The following CRPPA variants were observed in gnomAD, a reference collection of about 807,000 sequenced individuals.
CRPPA encodes the protein CDP-L-ribitol pyrophosphorylase A, also known as D-ribitol-5-phosphate cytidylyltransferase.
In CRPPA, 43 loss-of-function variants were observed where a neutral mutation model predicts 52.0. That is an observed-to-expected ratio of 0.83 (90% CI 0.65 to 1.07). CRPPA has a LOEUF of 1.07. CRPPA is among the 50% of genes least tolerant of loss of function. The pLI, the probability that CRPPA is intolerant of heterozygous loss-of-function variation, is 0.00. For synonymous variants in CRPPA, 250 were observed against 203.5 expected (o/e 1.23, Z -1.94); for missense variants, 629 against 551.7 (o/e 1.14, Z -1.40).
chr7:16,332,006 T>G (rs1785562358), intron 3 of CRPPA, among the ~76,000 whole-genome samples: 1 of 152,114 alleles, frequency 6.6e-6, no homozygotes, highest in South Asian at 2.1e-4. Context: ...CCAAGCAAGG[T>G]AAATGCCAAA....
At chr7:16,208,954 A>G (rs982034708) in intron 9 of CRPPA, 7 of 398,368 alleles carry the variant, frequency 1.8e-5, no homozygotes, top group South Asian at 1.3e-4. Context: ...CGTGGTGAAC[A>G]TTCCTAAAAT....
At chr7:16,292,003 G>A (rs79625578) in intron 5 of CRPPA, among the ~76,000 whole-genome samples, 187 of 151,866 alleles carry the variant, frequency 1.2e-3, no homozygotes, top group South Asian at 5.6e-3. Context: ...GATGAAACAC[G>A]GTGGAAATGT....
chr7:16,401,870 T>A (rs2892815), intron 2 of CRPPA, among the ~76,000 whole-genome samples: 23,316 of 150,852 alleles, frequency 0.15, 1,913 homozygotes, highest in South Asian at 0.25. Context: ...ATTAAAAAAA[T>A]ATATATATAG....
At chr7:16,390,800 G>C (rs1262314678) in intron 2 of CRPPA, among the ~76,000 whole-genome samples, 1 of 152,160 alleles carries the variant, frequency 6.6e-6, no homozygotes, top group African/African-American at 2.4e-5. Context: ...GGAAATGGAA[G>C]TGCTGTGTAG....
chr7:16,096,696 C>T (rs1781941189), intron 9 of CRPPA, among the ~76,000 whole-genome samples: 2 of 152,094 alleles, frequency 1.3e-5, no homozygotes, highest in Admixed American at 6.6e-5. Context: ...ATCCTTCTAC[C>T]TCATCCTCCC....
Position 16,377,417 on chromosome 7 carries a change from A to C in CRPPA, c.535-1176T>G, listed in dbSNP as rs559555875. ...AACATGCATGCTGCTTTAAGAAAAAAGATTCCACTGAAACTACGTATATTT... is the reference window on the plus strand; with the variant it reads ...AACATGCATGCTGCTTTAAGAAAAACGATTCCACTGAAACTACGTATATTT... On this transcript the variant is annotated intron_variant, in intron 2 of 9. Transcript: ENST00000407010. Among the ~76,000 whole-genome samples, 7 of 152,354 alleles carry C rather than the reference A, an allele frequency of 4.6e-5. No homozygotes were observed. In the South Asian group the frequency reaches 1.4e-3, roughly 32 times the overall value.
chr7:16,266,696 C>G (rs759722864), intron 6 of CRPPA, among the ~76,000 whole-genome samples: 16 of 152,092 alleles, frequency 1.1e-4, no homozygotes, highest in Non-Finnish European at 2.1e-4. Flanking sequence ...CCAGGCTGGT[C>G]TCGAACCTCT....
At position 16,098,908 on chromosome 7, in the gene CRPPA, C is replaced by T. The variant is rs151293564; in HGVS notation, c.1252-7109G>A. 2.6e-5 allele frequency among the ~76,000 whole-genome samples: 4 copies of T among 152,306 alleles called. No homozygotes were observed. The East Asian group carries it at 5.8e-4, about 22-fold the overall frequency. ...CCGAATGAGAAACATTTTCCTCTTG[C>T]TCCTGTGAGTGATAACAAATGCCTC... On this transcript the variant is annotated intron_variant, in intron 9 of 9. Transcript: ENST00000407010.
intron 5 of CRPPA, among the ~76,000 whole-genome samples, chr7:16,300,988 C>A (rs1355540463): frequency 6.6e-6 from 1 of 152,136 alleles, no homozygotes; most frequent in Non-Finnish European, 1.5e-5. Flanking sequence ...TTAAAAATCA[C>A]CCTGTCCAGC....
At chr7:16,205,660 T>C (rs1394510481) in intron 9 of CRPPA, among the ~76,000 whole-genome samples, 6 of 152,224 alleles carry the variant, frequency 3.9e-5, no homozygotes, top group East Asian at 3.9e-4. Flanking sequence ...CCTTTCTCCA[T>C]GGGCTAGAAC....
At chr7:16,150,948 T>C (rs560329799) in intron 9 of CRPPA, among the ~76,000 whole-genome samples, 2 of 152,334 alleles carry the variant, frequency 1.3e-5, no homozygotes, top group East Asian at 3.9e-4. Flanking sequence ...GGTAGCTTTA[T>C]GGACTAATCA....
intron 9 of CRPPA, among the ~76,000 whole-genome samples, chr7:16,145,307 C>T (rs1193796583): frequency 6.6e-6 from 1 of 152,174 alleles, no homozygotes; most frequent in Non-Finnish European, 1.5e-5. Context: ...GGACCCCACT[C>T]CATCTCACCC....
chr7:16,214,240 A>G (rs1220213509), intron 9 of CRPPA, among the ~76,000 whole-genome samples: 2 of 152,238 alleles, frequency 1.3e-5, no homozygotes, highest in East Asian at 3.8e-4. Context: ...AAATTTAACT[A>G]GGCATCATAT....
chr7:16,225,501 A>T (rs766524042), intron 8 of CRPPA, among the ~76,000 whole-genome samples: 9 of 151,972 alleles, frequency 5.9e-5, no homozygotes, highest in Non-Finnish European at 1.3e-4. Context: ...TATAAAACAT[A>T]ATTCTATGTT....
Position 16,395,814 on chromosome 7 carries a change from G to C in CRPPA, c.534+10247C>G, listed in dbSNP as rs147500748. On this transcript the variant is annotated intron_variant, in intron 2 of 9. Coordinates refer to ENST00000407010, the MANE Select transcript of CRPPA (RefSeq NM_001101426.4). ...TGTTAAACCATAGATACTGTCATCT[G>C]TCTTTCACCTACCCTTTTCCCAACT... 3.9e-3 allele frequency among the ~76,000 whole-genome samples: 587 copies of C among 152,296 alleles called. 3 individuals are homozygous for C. The highest frequency in any genetic ancestry group is 6.8e-3 in the Middle Eastern group (2 of 294).
chr7:16,362,044 C>T, intron 3 of CRPPA, among the ~76,000 whole-genome samples: 1 of 152,032 alleles, frequency 6.6e-6, no homozygotes, highest in South Asian at 2.1e-4. Flanking sequence ...TTGGTAGAGA[C>T]GGGGTTTCAC....
chr7:16,130,926 C>A (rs1380667447), intron 9 of CRPPA, among the ~76,000 whole-genome samples: 2 of 152,150 alleles, frequency 1.3e-5, no homozygotes, highest in African/African-American at 4.8e-5. Context: ...GTGACCCCAG[C>A]AAGTTCCCAC....
At chr7:16,274,954 A>G (rs979723332) in intron 6 of CRPPA, among the ~76,000 whole-genome samples, 34 of 152,070 alleles carry the variant, frequency 2.2e-4, no homozygotes, top group African/African-American at 8.2e-4. Flanking sequence ...ATTATCTACT[A>G]TAAAACCAAT....
intron 3 of CRPPA, among the ~76,000 whole-genome samples, chr7:16,371,420 C>A (rs572773188): frequency 1.3e-5 from 2 of 151,930 alleles, no homozygotes; most frequent in African/African-American, 4.8e-5. Flanking sequence ...AGCCAGTGCA[C>A]AAAGATCCTC....
Sources: gnomAD v4.1 joint callset for allele counts (sites outside exome capture counted in the v4.1 genomes callset) on GRCh38, gnomAD v4.1.1 for gene constraint, MANE v1.5 for transcripts, NCBI Gene and HGNC (gene_info 2026-07-23, HGNC 2026-07-21) for gene names.